Variants in GALNT14 observed in about 807,000 individuals in gnomAD.
The protein encoded by GALNT14 is polypeptide N-acetylgalactosaminyltransferase 14.
A neutral mutation model predicts 77.5 loss-of-function variants in GALNT14; 60 were observed. The ratio of observed to expected loss-of-function variants is 0.77; its 90% CI spans 0.63 to 0.96. The LOEUF (loss-of-function observed/expected upper bound fraction) is 0.96. Ranked by LOEUF, GALNT14 falls within the 40% of genes least tolerant of loss-of-function variation. The pLI is 0.00. For missense variants in GALNT14, 710 were observed against 731.0 expected, an observed-to-expected ratio of 0.97 and a Z score of 0.33; for synonymous variants, 280 against 281.7, an observed-to-expected ratio of 0.99 and a Z score of 0.06.
At chr2:30,993,095 C>G in intron 1 of GALNT14, 88 bp from the exon 2 acceptor site, 3 of 1,396,848 alleles carry the variant, frequency 2.1e-6, no homozygotes, top group Non-Finnish European at 2.9e-6. Flanking sequence ...CCCCAGAGAC[C>G]AGGCTTATTC....
chr2:31,062,134 T>C (rs1674638253), intron 1 of GALNT14, among the ~76,000 whole-genome samples: 1 of 152,182 alleles, frequency 6.6e-6, no homozygotes, highest in African/African-American at 2.4e-5. Flanking sequence ...CCATGGTGGT[T>C]TGCTGCACCT....
intron 1 of GALNT14, among the ~76,000 whole-genome samples, chr2:31,122,684 A>T (rs1294610035): frequency 1.3e-5 from 2 of 152,044 alleles, no homozygotes; most frequent in Non-Finnish European, 2.9e-5. Flanking sequence ...TTTTCTATAA[A>T]TTTTTTCTAT....
At chr2:31,084,765 C>T (rs751794648) in intron 1 of GALNT14, among the ~76,000 whole-genome samples, 1 of 152,188 alleles carries the variant, frequency 6.6e-6, no homozygotes, top group Non-Finnish European at 1.5e-5. Context: ...GGCTTCACGC[C>T]TGTAATCCCA....
intron 1 of GALNT14, chr2:31,129,504 G>A (rs1678873532): frequency 9.1e-6 from 9 of 985,266 alleles, no homozygotes; most frequent in Non-Finnish European, 1.1e-5. Flanking sequence ...CCATCAATTG[G>A]CCATCTATTA....
At position 30,955,972 on chromosome 2, in the gene GALNT14, C is replaced by T. The variant is rs145021697; in HGVS notation, c.472G>A (p.Asp158Asn). The change falls in exon 5 of 15, where the codon GAC becomes AAC. Residue 158 changes from aspartate (D) to asparagine (N), a missense_variant. Transcript: ENST00000349752. Reference sequence around the variant, plus strand: ...GGCAACTTGATGAGCTGTTTACAGTCATCAGCTGCAAAGACAAAAGGTTAA... The same window carrying T: ...GGCAACTTGATGAGCTGTTTACAGTTATCAGCTGCAAAGACAAAAGGTTAA... ...LVDDFSNDPD[D>N]CKQLIKLPKV... is the part of the protein sequence containing the mutation. 1.1e-3 allele frequency: 1,840 copies of T among 1,614,198 alleles called. 4 individuals carry two copies. The highest frequency in any genetic ancestry group is 1.8e-3 in the Middle Eastern group (11 of 6,032).
chr2:30,979,843 C>T (rs1442077564), intron 2 of GALNT14, among the ~76,000 whole-genome samples: 1 of 152,134 alleles, frequency 6.6e-6, no homozygotes, highest in African/African-American at 2.4e-5. Context: ...CACAGCAGCC[C>T]CCACCCAGCT....
At chr2:30,998,631 C>T (rs1205686201) in intron 1 of GALNT14, among the ~76,000 whole-genome samples, 1 of 152,216 alleles carries the variant, frequency 6.6e-6, no homozygotes, top group African/African-American at 2.4e-5. Context: ...TAACTATTTA[C>T]ATTTAATATT....
intron 1 of GALNT14, among the ~76,000 whole-genome samples, chr2:31,098,147 G>A (rs760691834): frequency 2.6e-5 from 4 of 152,086 alleles, no homozygotes; most frequent in Non-Finnish European, 5.9e-5. Context: ...ATATTATCAG[G>A]GGAGATCCAA....
intron 1 of GALNT14, among the ~76,000 whole-genome samples, chr2:31,000,459 G>GTC (rs1489063189): frequency 6.6e-6 from 1 of 151,928 alleles, no homozygotes; most frequent in Non-Finnish European, 1.5e-5. Context: ...GTGTGTGTGT[G>GTC]TGTGTGTGTG....
chr2:31,040,800 G>A (rs1019148681), intron 1 of GALNT14, among the ~76,000 whole-genome samples: 1 of 152,194 alleles, frequency 6.6e-6, no homozygotes, highest in Non-Finnish European at 1.5e-5. Context: ...TTGATTTAGA[G>A]AAATAAAGAA....
intron 1 of GALNT14, among the ~76,000 whole-genome samples, chr2:31,005,139 A>C (rs1447938888): frequency 6.6e-6 from 1 of 152,244 alleles, no homozygotes; most frequent in Non-Finnish European, 1.5e-5. Flanking sequence ...GAAGGGAAGA[A>C]TCAAACAATG....
intron 1 of GALNT14, among the ~76,000 whole-genome samples, chr2:31,048,711 C>A (rs1295087326): frequency 2.0e-5 from 3 of 151,976 alleles, no homozygotes; most frequent in African/African-American, 7.3e-5. Flanking sequence ...CGTCTCACTT[C>A]TCTCCCCTGC....
At chr2:30,921,152 C>T (rs756153606) in intron 13 of GALNT14, among the ~76,000 whole-genome samples, 12 of 152,254 alleles carry the variant, frequency 7.9e-5, no homozygotes, top group Middle Eastern at 6.8e-3. Flanking sequence ...CTCCTCAGGG[C>T]CAGAGCATTG....
intron 6 of GALNT14, among the ~76,000 whole-genome samples, chr2:30,946,613 T>C (rs938571868): frequency 6.6e-6 from 1 of 152,180 alleles, no homozygotes; most frequent in African/African-American, 2.4e-5. Context: ...CGTAAGCCAA[T>C]GAAACCTCAT....
chr2:31,135,281 C>T (rs1679174894), intron 1 of GALNT14, among the ~76,000 whole-genome samples: 1 of 152,324 alleles, frequency 6.6e-6, no homozygotes, highest in Non-Finnish European at 1.5e-5. Context: ...GCCCAAAAAT[C>T]TGCATGTTAA....
intron 1 of GALNT14, chr2:31,078,977 G>A (rs1675988295): frequency 7.8e-7 from 1 of 1,289,236 alleles, no homozygotes; most frequent in South Asian, 1.2e-5. Context: ...ATGCCTGGGA[G>A]GGAGAGCAGG....
Position 30,912,270 on chromosome 2 carries a change from C to G in GALNT14, c.1453G>C (p.Gly485Arg). ...LCLSVITLFP[G>R]APVVLVLCKN... is the part of the protein sequence containing the mutation. ...CAAAGGACAAGAACCACTGGGGCGC[C>G]AGGGAACAAGGTGATGACTGACAGG... is the stretch of plus-strand genomic sequence containing the variant. The change falls in exon 14 of 15, where the codon GGC (glycine) becomes CGC (arginine). Residue 485 changes from glycine (G) to arginine (R), a missense_variant. Transcript: ENST00000349752. 4.3e-6 allele frequency: 7 copies of G among 1,614,176 alleles called. No homozygotes were observed. Among genetic ancestry groups the G allele is most frequent in the Non-Finnish European group, 5.9e-6 (7 of 1,180,030 alleles).
chr2:30,974,580 C>T (rs1668532748), intron 2 of GALNT14, among the ~76,000 whole-genome samples: 1 of 152,220 alleles, frequency 6.6e-6, no homozygotes, highest in Admixed American at 6.5e-5. Flanking sequence ...CTGTCTCTCT[C>T]CCATATATCT....
intron 1 of GALNT14, among the ~76,000 whole-genome samples, chr2:31,070,794 A>C (rs1675315269): frequency 6.6e-6 from 1 of 152,214 alleles, no homozygotes; most frequent in Non-Finnish European, 1.5e-5. Flanking sequence ...AAAATTTGGA[A>C]GTTTGAGTAA....
Sources: allele counts gnomAD v4.1 joint callset (sites outside exome capture counted in the v4.1 genomes callset), GRCh38; gene constraint gnomAD v4.1.1; transcripts MANE v1.5; gene names NCBI Gene and HGNC (gene_info 2026-07-23, HGNC 2026-07-21).